The following NMNAT2 variants were observed in gnomAD, a reference collection of about 807,000 sequenced individuals.
NMNAT2 encodes the protein nicotinamide/nicotinic acid mononucleotide adenylyltransferase 2.
In NMNAT2, 11 loss-of-function variants were observed where a neutral mutation model predicts 41.6. The observed-to-expected ratio is 0.26, with a 90% CI of 0.17 to 0.44. NMNAT2 has a LOEUF of 0.44. Ranked by LOEUF, NMNAT2 falls within the 20% of genes least tolerant of loss-of-function variation. NMNAT2 has a pLI of 1.00. For missense variants in NMNAT2, 288 were observed against 407.7 expected, an observed-to-expected ratio of 0.71 and a Z score of 2.53; for synonymous variants, 148 against 151.2, an observed-to-expected ratio of 0.98 and a Z score of 0.16.
chr1:183,274,389 G>A lies in NMNAT2; in HGVS notation c.651+4164C>T, dbSNP rs140129934. ...TGCAATGGCACGATCTCTGCTCACT[G>A]CAATCTCTGCCTCCCGGGTTCAAGC... On this transcript the variant is annotated intron_variant, in intron 8 of 10. Transcript: ENST00000287713. 2.1e-3 allele frequency among the ~76,000 whole-genome samples: 319 copies of A among 152,154 alleles called. 6 individuals carry two copies. In the East Asian group the frequency reaches 0.053, roughly 25 times the overall value.
chr1:183,342,057 T>C (rs1305544529), intron 1 of NMNAT2, among the ~76,000 whole-genome samples: 1 of 151,028 alleles, frequency 6.6e-6, no homozygotes, highest in Middle Eastern at 3.4e-3. Flanking sequence ...CCCTTTGGCA[T>C]TGGGGAACCC....
intron 1 of NMNAT2, among the ~76,000 whole-genome samples, chr1:183,402,602 A>G (rs1315367439): frequency 2.0e-5 from 3 of 152,158 alleles, no homozygotes; most frequent in Non-Finnish European, 4.4e-5. Flanking sequence ...TTTTTTGTTG[A>G]CATGCTCAAT....
chr1:183,326,248 C>T (rs1040874762), intron 1 of NMNAT2, among the ~76,000 whole-genome samples: 1 of 151,762 alleles, frequency 6.6e-6, no homozygotes, highest in Admixed American at 6.6e-5. Context: ...TGGTGGTGCA[C>T]ACTTGTAATC....
chr1:183,273,801 TTC>T (rs1238684468), intron 8 of NMNAT2, among the ~76,000 whole-genome samples: 2 of 145,122 alleles, frequency 1.4e-5, no homozygotes, highest in Non-Finnish European at 3.0e-5. Flanking sequence ...CTCTCTCTCT[TTC>T]TCTCTTTCTT....
intron 1 of NMNAT2, among the ~76,000 whole-genome samples, chr1:183,412,383 C>T (rs900940629): frequency 1.3e-5 from 2 of 152,166 alleles, no homozygotes; most frequent in Non-Finnish European, 2.9e-5. Context: ...GCCACCACGC[C>T]CGGCTAATTT....
intron 1 of NMNAT2, among the ~76,000 whole-genome samples, chr1:183,380,844 T>C (rs1387174637): frequency 6.6e-6 from 1 of 152,172 alleles, no homozygotes; most frequent in African/African-American, 2.4e-5. Flanking sequence ...TGTCACCTTG[T>C]AGGAGGTTCT....
chr1:183,302,068 G>A (rs373522834), intron 1 of NMNAT2, among the ~76,000 whole-genome samples: 6 of 152,288 alleles, frequency 3.9e-5, no homozygotes, highest in South Asian at 2.1e-4. Context: ...CAAGCTTTGA[G>A]TGCCTCTTAG....
intron 1 of NMNAT2, among the ~76,000 whole-genome samples, chr1:183,306,674 C>T (rs1021735704): frequency 3.9e-5 from 6 of 152,110 alleles, no homozygotes; most frequent in Admixed American, 1.3e-4. Context: ...CTCTAAGAAA[C>T]CTGAAAGTAA....
intron 1 of NMNAT2, among the ~76,000 whole-genome samples, chr1:183,397,815 T>G (rs561770213): frequency 6.6e-6 from 1 of 152,144 alleles, no homozygotes; most frequent in Non-Finnish European, 1.5e-5. Flanking sequence ...AAACTAAGCT[T>G]CATAAGTGAA....
intron 1 of NMNAT2, among the ~76,000 whole-genome samples, chr1:183,414,673 T>C (rs1649207865): frequency 6.6e-6 from 1 of 152,206 alleles, no homozygotes; most frequent in South Asian, 2.1e-4. Flanking sequence ...CAAATACTAT[T>C]TTTTCCTGTA....
chr1:183,292,759 A>C (rs768703370), intron 3 of NMNAT2, 31 bp downstream of exon 3: 7 of 1,604,622 alleles, frequency 4.4e-6, no homozygotes, highest in Non-Finnish European at 6.0e-6. Flanking sequence ...TCTCCGGGCC[A>C]CTGCCTCTGG....
At chr1:183,417,873 C>A (rs1649299625) in intron 1 of NMNAT2, among the ~76,000 whole-genome samples, 1 of 152,192 alleles carries the variant, frequency 6.6e-6, no homozygotes, top group Non-Finnish European at 1.5e-5. Flanking sequence ...ACCACCGCAC[C>A]GCCACACTCC....
chr1:183,338,788 G>C (rs934531243), intron 1 of NMNAT2, among the ~76,000 whole-genome samples: 3 of 152,160 alleles, frequency 2.0e-5, no homozygotes, highest in Non-Finnish European at 2.9e-5. Flanking sequence ...CAGAGGAGGA[G>C]CAGGATCTGA....
intron 4 of NMNAT2, among the ~76,000 whole-genome samples, chr1:183,287,013 A>G (rs1661418825): frequency 6.6e-6 from 1 of 152,062 alleles, no homozygotes; most frequent in Non-Finnish European, 1.5e-5. Flanking sequence ...TCCTGGGTCC[A>G]AATTTGGGCT....
chr1:183,298,906 T>C (rs12081719), intron 1 of NMNAT2, among the ~76,000 whole-genome samples: 1 of 152,178 alleles, frequency 6.6e-6, no homozygotes, highest in Non-Finnish European at 1.5e-5. Context: ...GTTAAAGTGT[T>C]AATATCAACA....
chr1:183,253,252 A>C (rs973910847), intron 10 of NMNAT2, among the ~76,000 whole-genome samples: 3 of 147,892 alleles, frequency 2.0e-5, no homozygotes, highest in Non-Finnish European at 4.5e-5. Context: ...ATATTTTATA[A>C]TTTATATATT....
intron 1 of NMNAT2, among the ~76,000 whole-genome samples, chr1:183,391,939 C>G (rs988547606): frequency 6.6e-6 from 1 of 152,210 alleles, no homozygotes; most frequent in Non-Finnish European, 1.5e-5. Context: ...CCCCATCTCC[C>G]CAATCCCCAA....
intron 2 of NMNAT2, among the ~76,000 whole-genome samples, chr1:183,293,289 A>G (rs926344673): frequency 1.3e-5 from 2 of 152,234 alleles, no homozygotes; most frequent in Non-Finnish European, 2.9e-5. Context: ...GGGAGGGATG[A>G]GCAGGGATAT....
At chr1:183,397,202 A>T (rs1428896542) in intron 1 of NMNAT2, among the ~76,000 whole-genome samples, 2 of 152,104 alleles carry the variant, frequency 1.3e-5, no homozygotes, top group African/African-American at 4.8e-5. Context: ...ATTCCTTCTC[A>T]TGACAGTGTC....
Sources: gnomAD v4.1 joint callset for allele counts (sites outside exome capture counted in the v4.1 genomes callset) on GRCh38, gnomAD v4.1.1 for gene constraint, MANE v1.5 for transcripts, NCBI Gene and HGNC (gene_info 2026-07-23, HGNC 2026-07-21) for gene names.